The following OR51B5 variants were observed in gnomAD, a reference collection of about 807,000 sequenced individuals.
OR51B5 encodes the protein olfactory receptor family 51 subfamily B member 5, also known as olfactory receptor 51B5.
For missense variants in OR51B5, 456 were observed against 374.6 expected, an observed-to-expected ratio of 1.22 and a Z score of -1.79; for synonymous variants, 186 against 144.8, an observed-to-expected ratio of 1.28 and a Z score of -2.04.
chr11:5,494,195 T>G (rs1028642542), intron 1 of OR51B5, among the ~76,000 whole-genome samples: 6 of 152,228 alleles, frequency 3.9e-5, no homozygotes, highest in African/African-American at 1.2e-4. Context: ...TTTTAGCAAA[T>G]GCATTAATGT....
intron 1 of OR51B5, among the ~76,000 whole-genome samples, chr11:5,399,961 C>G (rs1395319655): frequency 1.3e-5 from 2 of 151,986 alleles, no homozygotes; most frequent in East Asian, 3.9e-4. Flanking sequence ...AGGCAGCACA[C>G]GGGAAGAACA....
intron 1 of OR51B5, among the ~76,000 whole-genome samples, chr11:5,417,169 C>A (rs1170218746): frequency 1.3e-5 from 2 of 152,018 alleles, no homozygotes; most frequent in East Asian, 1.9e-4. Context: ...CAAAAACAAG[C>A]AATGGGAAAG....
At chr11:5,419,716 A>G (rs1368308724) in intron 1 of OR51B5, among the ~76,000 whole-genome samples, 1 of 152,006 alleles carries the variant, frequency 6.6e-6, no homozygotes, top group East Asian at 1.9e-4. Context: ...GATACTTCAA[A>G]TACTTTTCCT....
intron 1 of OR51B5, chr11:5,469,521 G>A (rs1295074869): frequency 1.3e-5 from 2 of 152,022 alleles, no homozygotes; most frequent in Non-Finnish European, 2.9e-5. Context: ...TCTAAAACTA[G>A]GAGAGACAAT....
rs746227153 is a variant in OR51B5, at chr11:5,441,395, G to A, written n.84+64174C>T. 29 of 1,613,848 alleles carry A rather than the reference G, an allele frequency of 1.8e-5. No individual in the cohort carries two copies. The South Asian group carries it at 3.0e-4, about 16-fold the overall frequency. On this transcript the variant is annotated intron_variant and non_coding_transcript_variant, in intron 1 of 4. Coordinates refer to the OR51B5 transcript ENST00000415970. ...TGAGAATGCTGAGGTTACCTACAAT[G>A]GAGATCATGTAGAGGATGCAGAAAA...
chr11:5,474,583 G>C (rs1258040272), intron 1 of OR51B5, among the ~76,000 whole-genome samples: 1 of 152,084 alleles, frequency 6.6e-6, no homozygotes, highest in Non-Finnish European at 1.5e-5. Flanking sequence ...TTTTCCTCTT[G>C]TTTGTTGTTT....
chr11:5,459,231 T>A (rs1355718098), intron 1 of OR51B5, among the ~76,000 whole-genome samples: 3 of 152,302 alleles, frequency 2.0e-5, no homozygotes, highest in Non-Finnish European at 2.9e-5. Context: ...TTGCTTTTAG[T>A]TCTGTTAAAG....
intron 1 of OR51B5, among the ~76,000 whole-genome samples, chr11:5,436,697 A>T (rs1850600745): frequency 6.6e-6 from 1 of 152,256 alleles, no homozygotes; most frequent in African/African-American, 2.4e-5. Context: ...CTATGCAAAC[A>T]TACACAGGCA....
chr11:5,349,412 T>A (rs1158693152), intron 1 of OR51B5, among the ~76,000 whole-genome samples: 1 of 152,026 alleles, frequency 6.6e-6, no homozygotes, highest in East Asian at 1.9e-4. Flanking sequence ...CTGTTTTTTT[T>A]TAATTTATCA....
chr11:5,418,432 C>G (rs996493850), intron 1 of OR51B5, among the ~76,000 whole-genome samples: 1 of 112,554 alleles, frequency 8.9e-6, no homozygotes, highest in African/African-American at 2.7e-5. Context: ...CAAAACAAAA[C>G]AAAAAGAAAA....
upstream of OR51B5, chr11:5,343,750 A>C (rs76765975): frequency 0.064 from 25,876 of 406,492 alleles, 944 homozygotes; most frequent in South Asian, 0.1. Context: ...TACGTAATCA[A>C]ATTCTTGGAG....
chr11:5,382,785 C>T (rs969649383), intron 1 of OR51B5, among the ~76,000 whole-genome samples: 4 of 152,148 alleles, frequency 2.6e-5, no homozygotes, highest in Admixed American at 6.5e-5. Flanking sequence ...GTTACTTACC[C>T]GGTGTAAGGT....
intron 1 of OR51B5, among the ~76,000 whole-genome samples, chr11:5,356,590 G>A (rs1332145725): frequency 7.1e-6 from 1 of 141,532 alleles, no homozygotes; most frequent in African/African-American, 2.7e-5. Flanking sequence ...AATCTAGCAA[G>A]GCAGGTCAAC....
chr11:5,443,324 G>T (rs1850718518), intron 1 of OR51B5, among the ~76,000 whole-genome samples: 1 of 152,034 alleles, frequency 6.6e-6, no homozygotes. Flanking sequence ...ATATATATAG[G>T]TAGTGAGAAG....
chr11:5,368,792 G>C (rs956208676), intron 1 of OR51B5, among the ~76,000 whole-genome samples: 53 of 152,148 alleles, frequency 3.5e-4, no homozygotes, highest in African/African-American at 1.3e-3. Flanking sequence ...CCTTCTGAAA[G>C]CTTACGATGG....
chr11:5,489,495 C>G (rs757252555), intron 1 of OR51B5: 3 of 1,614,082 alleles, frequency 1.9e-6, no homozygotes, highest in Non-Finnish European at 2.5e-6. Flanking sequence ...TCTCCTTCCT[C>G]ACCCACCGCT....
In OR51B5 at chr11:5,358,543, C is replaced by G. The variant is rs546277427; in HGVS notation, n.85-11633G>C. ...AACAGTCCAGGACCAGATGGAGTCA[C>G]AGCCAAATTCTACCAGAGGTACAAG... is the stretch of plus-strand genomic sequence containing the variant. On this transcript the variant is annotated intron_variant and non_coding_transcript_variant, in intron 1 of 4. Coordinates refer to the OR51B5 transcript ENST00000415970. Among the ~76,000 whole-genome samples, 4 of 152,314 alleles carry G rather than the reference C, an allele frequency of 2.6e-5. No homozygotes were observed. The South Asian group carries it at 8.3e-4, about 32-fold the overall frequency.
intron 1 of OR51B5, among the ~76,000 whole-genome samples, chr11:5,384,213 T>C (rs1005499632): frequency 2.0e-5 from 3 of 152,190 alleles, no homozygotes; most frequent in African/African-American, 7.2e-5. Context: ...CTAGCTCTGT[T>C]ACCCAGGCTA....
rs538454192 is a variant in OR51B5 at position 5,427,197 on chromosome 11, T to G, written n.84+78372A>C. 5.9e-5 allele frequency among the ~76,000 whole-genome samples: 9 copies of G among 152,372 alleles called. No individual in the cohort carries two copies. The East Asian group carries it at 1.7e-3, about 29-fold the overall frequency. On this transcript the variant is annotated intron_variant and non_coding_transcript_variant, in intron 1 of 4. Transcript: ENST00000415970. Reference sequence around the variant, plus strand: ...CGACCGTCCAACCTTTCTTTTGAGTTTCATATTTTATGTGGCTCCCACGCA... The same window carrying G: ...CGACCGTCCAACCTTTCTTTTGAGTGTCATATTTTATGTGGCTCCCACGCA...
Sources: gnomAD v4.1 joint callset for allele counts (sites outside exome capture counted in the v4.1 genomes callset) on GRCh38, gnomAD v4.1.1 for gene constraint, MANE v1.5 for transcripts, NCBI Gene and HGNC (gene_info 2026-07-23, HGNC 2026-07-21) for gene names.